Variants in PI4KA observed in about 807,000 individuals in gnomAD.
PI4KA encodes phosphatidylinositol 4-kinase alpha.
In PI4KA, 122 loss-of-function variants were observed where a neutral mutation model predicts 271.4. That is an observed-to-expected ratio of 0.45 (90% CI 0.39 to 0.52). The LOEUF (loss-of-function observed/expected upper bound fraction) is 0.52. Among genes scored for constraint, PI4KA ranks in the 20% least tolerant of loss-of-function variants. PI4KA has a pLI of 0.00. For missense variants in PI4KA, 1,969 were observed against 2,769.1 expected, an observed-to-expected ratio of 0.71 and a Z score of 6.48; for synonymous variants, 1,041 against 1,078.8, an observed-to-expected ratio of 0.96 and a Z score of 0.69.
At chr22:20,844,184 C>A (rs1202941273) in intron 1 of PI4KA, among the ~76,000 whole-genome samples, 2 of 152,218 alleles carry the variant, frequency 1.3e-5, no homozygotes, top group East Asian at 3.8e-4. Flanking sequence ...TATCCTCTCA[C>A]TGCAGAGAGG....
intron 7 of PI4KA, among the ~76,000 whole-genome samples, chr22:20,815,049 C>T (rs955433169): frequency 3.3e-5 from 5 of 151,780 alleles, no homozygotes; most frequent in African/African-American, 1.2e-4. Flanking sequence ...AACCCAAAAG[C>T]ATATAATTGT....
At chr22:20,804,230 C>T (rs1341175279) in intron 12 of PI4KA, 70 bp downstream of exon 12, 7 of 1,055,096 alleles carry the variant, frequency 6.6e-6, no homozygotes, top group Non-Finnish European at 1.0e-5. Flanking sequence ...ACAGCCTGAA[C>T]AGCAACAGCG....
Position 20,770,632 on chromosome 22 carries a change from A to AC in PI4KA, c.2329-4940_2329-4939insG, listed in dbSNP as rs1491132074. Among the ~76,000 whole-genome samples the AC allele has an allele frequency of 1.4e-4, 16 of 115,894 alleles. No homozygotes were observed. The South Asian group carries it at 2.8e-3, about 21-fold the overall frequency. 76.0% of individuals were successfully genotyped at this position (115,894 alleles called of 152,430 possible). A position where few individuals can be genotyped will look rare whatever the true frequency, so the allele number is the denominator to read the frequency against. On this transcript the variant is annotated intron_variant, in intron 19 of 54. Transcript: ENST00000255882. The stretch of plus-strand genomic sequence containing the variant: ...CACACACACACACACACACACACAC[A>AC]AGCTGGACACAGAGACACACACAGT...
Position 20,740,061 on chromosome 22 carries a change from C to CAA in PI4KA, c.3741+2165_3741+2166dup, listed in dbSNP as rs59323542. Among the ~76,000 whole-genome samples the CAA allele has an allele frequency of 5.1e-3, 375 of 72,932 alleles. 4 individuals carry two copies. The highest frequency in any genetic ancestry group is 0.01 in the Middle Eastern group (1 of 100). 47.8% of individuals were successfully genotyped at this position (72,932 alleles called of 152,430 possible). On this transcript the variant is annotated intron_variant, in intron 32 of 54. Coordinates refer to ENST00000255882, the MANE Select transcript of PI4KA (RefSeq NM_058004.4). ...TGGGCAACAGAGTGAGACCCCATCTCAAAAAAAAAAAAAAAAAAAAAAAAA... is the reference window on the plus strand; with the variant it reads ...TGGGCAACAGAGTGAGACCCCATCTCAAAAAAAAAAAAAAAAAAAAAAAAAAA...
chr22:20,839,533 T>A (rs1169950628), intron 1 of PI4KA, among the ~76,000 whole-genome samples: 2 of 152,088 alleles, frequency 1.3e-5, no homozygotes, highest in Non-Finnish European at 2.9e-5. Context: ...CTGACTCTTT[T>A]AAAAAATCAA....
At chr22:20,741,820 G>T (rs1420321826) in intron 32 of PI4KA, among the ~76,000 whole-genome samples, 1 of 152,122 alleles carries the variant, frequency 6.6e-6, no homozygotes, top group Admixed American at 6.5e-5. Context: ...ACTTCCTTGT[G>T]GGCACCCCCT....
chr22:20,792,646 G>A (rs1333892125), intron 19 of PI4KA, among the ~76,000 whole-genome samples: 1 of 152,208 alleles, frequency 6.6e-6, no homozygotes. Flanking sequence ...AGTCATTTGG[G>A]AAGAAGCGGA....
At chr22:20,799,618 C>A in intron 15 of PI4KA, 53 bp downstream of exon 15, 2 of 1,295,876 alleles carry the variant, frequency 1.5e-6, no homozygotes, top group Middle Eastern at 1.8e-4. Context: ...GTGCCCCACA[C>A]GAGCCTGCTG....
At chr22:20,745,052 G>A (rs1490059070) in intron 29 of PI4KA, among the ~76,000 whole-genome samples, 1 of 152,220 alleles carries the variant, frequency 6.6e-6, no homozygotes, top group Non-Finnish European at 1.5e-5. Context: ...GTCTCCTTGA[G>A]AGTTGCGTGT....
chr22:20,786,249 C>A, intron 19 of PI4KA: 3 of 1,315,362 alleles, frequency 2.3e-6, no homozygotes, highest in East Asian at 2.3e-5. Flanking sequence ...TCTCATGTCC[C>A]AGCTTGGGGT....
chr22:20,753,053 C>T lies in PI4KA; in HGVS notation c.2863-26G>A, dbSNP rs149307085. 10 of 1,614,202 alleles carry T rather than the reference C, an allele frequency of 6.2e-6. No individual in the cohort carries two copies. The African/African-American group carries it at 6.7e-5, about 11-fold the overall frequency. ...CTAGAGATGCAAAAGAAACAGGTAC[C>T]GCAGTGCCCCAGATGCCTCCAGCAG... On this transcript the variant is annotated intron_variant, in intron 24 of 54. Coordinates refer to ENST00000255882, the MANE Select transcript of PI4KA (RefSeq NM_058004.4).
chr22:20,764,806 G>C lies in PI4KA; in HGVS notation c.2708+11C>G. 1.2e-5 allele frequency: 19 copies of C among 1,603,476 alleles called. No homozygotes were observed. Among genetic ancestry groups the C allele is most frequent in the Non-Finnish European group, 1.6e-5 (19 of 1,173,722 alleles). ...GGATGTGCATGTGCATGGTGGTGAA[G>C]GCACGTGTACCTCATGTACTCCAGC... On this transcript the variant is annotated intron_variant, in intron 22 of 54. Transcript: ENST00000255882.
At chr22:20,794,691 C>T (rs553968955) in intron 18 of PI4KA, among the ~76,000 whole-genome samples, 1 of 152,290 alleles carries the variant, frequency 6.6e-6, no homozygotes, top group East Asian at 1.9e-4. Context: ...GTGCCCCTCA[C>T]CACCCTGCCC....
intron 9 of PI4KA, among the ~76,000 whole-genome samples, chr22:20,808,619 T>C (rs1487957201): frequency 6.6e-6 from 1 of 151,470 alleles, no homozygotes; most frequent in Non-Finnish European, 1.5e-5. Context: ...TAACAGTCCT[T>C]AACTTCTATA....
chr22:20,712,789 C>A lies in PI4KA; in HGVS notation c.5580G>T (p.Leu1860=). ...KVGDDCRQDM[L]ALQIIDLFKN... Reference sequence around the variant, plus strand: ...TGAAGAGGTCGATGATCTGCAGGGCCAGCATGTCCTGGGAAGCCGGGAGGC... The same window carrying A: ...TGAAGAGGTCGATGATCTGCAGGGCAAGCATGTCCTGGGAAGCCGGGAGGC... The change falls in exon 49 of 55, where the codon CTG becomes CTT. Residue 1860 remains leucine, a synonymous_variant. Transcript: ENST00000255882. 6.5e-7 allele frequency: 1 copy of A among 1,550,266 alleles called. No individual in the cohort carries two copies. The highest frequency in any genetic ancestry group is 8.7e-7 in the Non-Finnish European group (1 of 1,147,180).
chr22:20,820,627 A>C lies in PI4KA; in HGVS notation c.457-16T>G. Reference sequence around the variant, plus strand: ...CCTCTAAAATCTGTAACAGTCAAGGAAACAAGAAAAAAAAAACATAAACAA... The same window carrying C: ...CCTCTAAAATCTGTAACAGTCAAGGCAACAAGAAAAAAAAAACATAAACAA... On this transcript the variant is annotated splice_polypyrimidine_tract_variant and intron_variant, in intron 4 of 54. Transcript: ENST00000255882. 1 of 1,551,510 alleles carries C rather than the reference A, an allele frequency of 6.4e-7. No homozygotes were observed.
In PI4KA at chr22:20,836,088, A is replaced by G. The variant is rs529232657; in HGVS notation, c.274-1433T>C. On this transcript the variant is annotated intron_variant, in intron 2 of 54. Transcript: ENST00000255882. ...ACAAAACAAAACAAAACAAAACAAA[A>G]AACAACAAAAAAACATGGCAGAAGG... Among the ~76,000 whole-genome samples, 25 of 150,068 alleles carry G rather than the reference A, an allele frequency of 1.7e-4. 1 individual carries two copies. The South Asian group carries it at 4.8e-3, about 29-fold the overall frequency.
chr22:20,799,681 C>G lies in PI4KA; in HGVS notation c.1810G>C (p.Glu604Gln). 1 of 1,550,914 alleles carries G rather than the reference C, an allele frequency of 6.4e-7. No individual in the cohort carries two copies. The stretch of plus-strand genomic sequence containing the variant: ...GGAATAGGGGCGTACTTGTCGCTCT[C>G]CTGAGAGATGTAGAGCCGGTTGGAC... ...SLSNRLYISQ[E>Q]SDKDAHLIPD... is the part of the protein sequence containing the mutation. The change falls in exon 15 of 55, where the codon GAG (glutamate) becomes CAG (glutamine). Residue 604 changes from glutamate (E) to glutamine (Q), a missense_variant. Glu to Gln is a conservative substitution (Grantham distance 29). Around this residue, in one of 13 missense-constraint regions of PI4KA, gnomAD observed 228 missense variants for 261.6 expected, o/e 0.87. Transcript: ENST00000255882.
At chr22:20,805,196 G>C in intron 10 of PI4KA, 31 bp from the exon 11 acceptor site, 1 of 1,497,192 alleles carries the variant, frequency 6.7e-7, no homozygotes, top group African/African-American at 1.4e-5. Context: ...TCACAGCTGG[G>C]AACAAAACTA....
Sources: allele counts gnomAD v4.1 joint callset (sites outside exome capture counted in the v4.1 genomes callset), GRCh38; gene constraint gnomAD v4.1.1; regional missense constraint gnomAD v4.1.1; transcripts MANE v1.5; gene names NCBI Gene and HGNC (gene_info 2026-07-23, HGNC 2026-07-21).